Variants in TTC21B observed in about 807,000 individuals in gnomAD.
The protein encoded by TTC21B is tetratricopeptide repeat protein 21B.
Under a neutral mutation model 175.1 loss-of-function variants are expected in TTC21B, and 127 were observed. The ratio of observed to expected loss-of-function variants is 0.73; its 90% confidence interval spans 0.63 to 0.84. The LOEUF is 0.84. TTC21B is among the 40% of genes least tolerant of loss of function. The pLI, the probability that TTC21B is intolerant of heterozygous loss-of-function variation, is 0.00. For synonymous variants in TTC21B, 524 were observed against 524.5 expected, an observed-to-expected ratio of 1.00 and a Z score of 0.01; for missense variants, 1,561 against 1,558.3, an observed-to-expected ratio of 1.00 and a Z score of -0.03.
chr2:165,897,386 T>G (rs961660345), intron 22 of TTC21B, among the ~76,000 whole-genome samples: 1 of 152,040 alleles, frequency 6.6e-6, no homozygotes, highest in South Asian at 2.1e-4. Context: ...TAACAAGGAT[T>G]TGCTGATAGA....
rs1172961449 is a variant in TTC21B at position 165,890,460 on chromosome 2, A to C, written c.3263+19T>G. 1.2e-6 allele frequency: 2 copies of C among 1,612,018 alleles called. No homozygotes were observed. Among genetic ancestry groups the C allele is most frequent in the East Asian group, 4.5e-5 (2 of 44,734 alleles). The stretch of plus-strand genomic sequence containing the variant: ...CAACAAGTGTTTTTTAAAAAAGGAT[A>C]ATATGTCAAATAACTCACCCCAGGT... On this transcript the variant is annotated intron_variant, in intron 24 of 28. Transcript: ENST00000243344.
chr2:165,927,300 ATATATAT>A (rs1173938712), intron 11 of TTC21B, among the ~76,000 whole-genome samples: 1 of 105,490 alleles, frequency 9.5e-6, no homozygotes, highest in Non-Finnish European at 1.8e-5. Context: ...GTAGTTATAT[ATATATAT>A]TATATATTAT....
chr2:165,935,111 G>A (rs1687079334), intron 6 of TTC21B, among the ~76,000 whole-genome samples: 1 of 152,160 alleles, frequency 6.6e-6, no homozygotes, highest in Admixed American at 6.5e-5. Context: ...TTAGGAGATG[G>A]CAGGACTGCA....
At chr2:165,932,147 A>C (rs907827738) in intron 7 of TTC21B, among the ~76,000 whole-genome samples, 14 of 152,170 alleles carry the variant, frequency 9.2e-5, no homozygotes, top group Non-Finnish European at 1.6e-4. Context: ...GTACATGCCC[A>C]GCTCCGCCTT....
Position 165,907,753 on chromosome 2 carries a change from T to C in TTC21B, c.2493A>G (p.Gly831=), listed in dbSNP as rs1304245355. The C allele has an allele frequency of 1.2e-6, 2 of 1,613,056 alleles. No individual in the cohort carries two copies. Among genetic ancestry groups the C allele is most frequent in the Non-Finnish European group, 8.5e-7 (1 of 1,179,480 alleles). Residue 831 remains glycine (G), a synonymous_variant, in exon 19 of 29, where the codon GGA becomes GGG. Coordinates refer to ENST00000243344, the MANE Select transcript of TTC21B (RefSeq NM_024753.5). ...CTTTTGCTAGAAGAACTTGACAACG[T>C]CCATCCTCCATGAGAGCTGACAGTT... The part of the protein sequence containing the change: ...VNELSALMED[G]RCQVLLAKVY...
rs770828957 is a variant in TTC21B, at chr2:165,890,912, G to A, written c.3027C>T (p.Phe1009=). 1 of 1,613,348 alleles carries A rather than the reference G, an allele frequency of 6.2e-7. No individual in the cohort carries two copies. The highest frequency in any genetic ancestry group is 1.1e-5 in the South Asian group (1 of 91,064). ...TGGAGTTACGTTTCTCAGCCATTGA[G>A]AAAAATCTTGGGACATCCTCGAGTT... ...CGKLEDVPRF[F]SMAEKRNSRA... The change falls in exon 23 of 29, where the codon TTC becomes TTT. Residue 1009 remains phenylalanine (F), a synonymous_variant. Transcript: ENST00000243344.
Position 165,915,328 on chromosome 2 carries a change from C to T in TTC21B, c.2011G>A (p.Glu671Lys). The T allele has an allele frequency of 2.5e-6, 4 of 1,614,098 alleles. No homozygotes were observed. The highest frequency in any genetic ancestry group is 2.5e-6 in the Non-Finnish European group (3 of 1,179,980). Residue 671 changes from glutamate to lysine, a missense_variant, in exon 15 of 29, where the codon GAA becomes AAA. By Grantham distance (56) the Glu-to-Lys change is moderately conservative (BLOSUM62 1). Coordinates refer to ENST00000243344, the MANE Select transcript of TTC21B (RefSeq NM_024753.5). ...TTCTGAAGGATGCTTAAAGCCCGTT[C>T]AATATCTCCTTGGGCTAGAGCAAGG... Reference protein sequence around the residue: ...ADLALAQGDIERALSILQNVT... With the variant: ...ADLALAQGDIKRALSILQNVT...
At chr2:165,911,489 AG>A (rs1574094211) in intron 17 of TTC21B, 24 bp from the exon 18 acceptor site, 1 of 1,613,350 alleles carries the variant, frequency 6.2e-7, no homozygotes, top group African/African-American at 1.3e-5. Context: ...ATTCCATTTA[AG>A]GGAACAAGGC....
intron 27 of TTC21B, among the ~76,000 whole-genome samples, chr2:165,877,934 A>G (rs1004749496): frequency 1.2e-4 from 19 of 152,140 alleles, no homozygotes; most frequent in Non-Finnish European, 2.9e-5. Flanking sequence ...AATTTTTAAG[A>G]TGTCATGCCA....
At chr2:165,900,540 T>A (rs986894523) in intron 20 of TTC21B, among the ~76,000 whole-genome samples, 6 of 152,168 alleles carry the variant, frequency 3.9e-5, no homozygotes, top group African/African-American at 1.4e-4. Context: ...TAATCAGTCA[T>A]GTATGTAAAT....
Position 165,919,427 on chromosome 2 carries a change from A to G in TTC21B, c.1523T>C (p.Ile508Thr), listed in dbSNP as rs769248659. The change falls in exon 13 of 29, where the codon ATT (isoleucine) becomes ACT (threonine). Residue 508 changes from isoleucine (I) to threonine (T), a missense_variant. Physicochemically the swap from Ile to Thr is moderately conservative, Grantham distance 89. Coordinates refer to ENST00000243344, the MANE Select transcript of TTC21B (RefSeq NM_024753.5). ...IAKVKYLSGD[I>T]EAAFNNLQHC... Reference sequence around the variant, plus strand: ...CTGAAGGTTATTGAAAGCTGCTTCAATATCACCTAATAAGAAAAACAATGC... The same window carrying G: ...CTGAAGGTTATTGAAAGCTGCTTCAGTATCACCTAATAAGAAAAACAATGC... 3 of 1,613,992 alleles carry G rather than the reference A, an allele frequency of 1.9e-6. No individual in the cohort carries two copies. Among genetic ancestry groups the G allele is most frequent in the Non-Finnish European group, 2.5e-6 (3 of 1,179,880 alleles).
intron 16 of TTC21B, among the ~76,000 whole-genome samples, 193 bp downstream of exon 16, chr2:165,913,381 T>C (rs866810846): frequency 1.3e-5 from 2 of 152,202 alleles, no homozygotes; most frequent in South Asian, 2.1e-4. Flanking sequence ...ACTTTAAAAA[T>C]AGAATCCATT....
intron 19 of TTC21B, among the ~76,000 whole-genome samples, chr2:165,904,630 T>A (rs1429715692): frequency 2.0e-5 from 3 of 152,192 alleles, no homozygotes; most frequent in African/African-American, 7.2e-5. Context: ...GCATTCCACT[T>A]CAAACTCTTC....
In TTC21B at chr2:165,901,682, C is replaced by G. The variant is rs200780634; in HGVS notation, c.2757+40G>C. On this transcript the variant is annotated intron_variant, in intron 20 of 28. Transcript: ENST00000243344. ...TACATCTGAGGAAATTAGAAGACAT[C>G]TGGAATAAAAGGTATTTAAAATTTT... 4.7e-4 allele frequency: 741 copies of G among 1,572,058 alleles called. 2 individuals carry two copies. Among genetic ancestry groups the G allele is most frequent in the Middle Eastern group, 1.4e-3 (8 of 5,854 alleles).
intron 3 of TTC21B, among the ~76,000 whole-genome samples, chr2:165,946,169 CAAAAAAAAA>C (rs3032577): frequency 8.6e-6 from 1 of 116,568 alleles, no homozygotes; most frequent in African/African-American, 3.6e-5. Context: ...ACTAAAGATA[CAAAAAAAAA>C]AAAAAAAAAA....
intron 5 of TTC21B, among the ~76,000 whole-genome samples, chr2:165,942,180 C>T (rs1277601198): frequency 6.6e-6 from 1 of 152,142 alleles, no homozygotes; most frequent in Non-Finnish European, 1.5e-5. Flanking sequence ...CACAAAGTGA[C>T]AGGAAAAGTG....
chr2:165,945,586 G>A lies in TTC21B; in HGVS notation c.367C>T (p.Arg123Cys), dbSNP rs775370323. Residue 123 changes from arginine (R) to cysteine (C), a missense_variant, in exon 4 of 29, where the codon CGC becomes TGC. Coordinates refer to ENST00000243344, the MANE Select transcript of TTC21B (RefSeq NM_024753.5). ...ATATATTCCCTTGCTTTATCATGGC[G>A]ACCAATGTGCCATAAAAATAAGCCT... ...HAGLFLWHIG[R>C]HDKAREYIDR... The A allele has an allele frequency of 2.6e-5, 42 of 1,613,458 alleles. No individual in the cohort carries two copies. The Middle Eastern group carries it at 4.9e-4, about 19-fold the overall frequency.
At chr2:165,900,526 T>C (rs532952267) in intron 20 of TTC21B, among the ~76,000 whole-genome samples, 1 of 152,340 alleles carries the variant, frequency 6.6e-6, no homozygotes, top group African/African-American at 2.4e-5. Flanking sequence ...AAAAACTTTT[T>C]ATATAATCAG....
intron 27 of TTC21B, among the ~76,000 whole-genome samples, chr2:165,878,541 GAT>G (rs1010369128): frequency 2.7e-5 from 4 of 150,470 alleles, no homozygotes; most frequent in Non-Finnish European, 4.4e-5. Context: ...TGGGTGTGTA[GAT>G]ATATGTGTGT....
Sources: allele counts gnomAD v4.1 joint callset (sites outside exome capture counted in the v4.1 genomes callset), GRCh38; gene constraint gnomAD v4.1.1; transcripts MANE v1.5; gene names NCBI Gene and HGNC (gene_info 2026-07-23, HGNC 2026-07-21).